CDIN1: variants seen among roughly 807,000 people sequenced by gnomAD.
The protein encoded by CDIN1 is CDAN1-interacting nuclease 1.
A neutral mutation model predicts 45.3 loss-of-function variants in CDIN1; 33 were observed. That is an observed-to-expected ratio of 0.73 (90% CI 0.55 to 0.97). The LOEUF is 0.97. Among genes scored for constraint, CDIN1 ranks in the 50% least tolerant of loss-of-function variants. The probability of loss-of-function intolerance (pLI) is 0.00; values close to 1 mark genes in which losing one functional copy is unlikely to be tolerated. For missense variants in CDIN1, 303 were observed against 339.4 expected (o/e 0.89, Z 0.84); for synonymous variants, 118 against 124.4 (o/e 0.95, Z 0.34).
intron 1 of CDIN1, among the ~76,000 whole-genome samples, chr15:36,629,401 A>G (rs1057385587): frequency 1.3e-5 from 2 of 152,236 alleles, no homozygotes; most frequent in African/African-American, 2.4e-5. Context: ...AAAACTTACA[A>G]TATTATTTGG....
chr15:36,692,029 T>TTG, intron 6 of CDIN1, 97 bp from the exon 7 acceptor site: 1 of 720,432 alleles, frequency 1.4e-6, no homozygotes, highest in Non-Finnish European at 1.8e-6. Flanking sequence ...GGGGCGGGGG[T>TTG]GGGGGAAGAA....
At chr15:36,730,382 C>T (rs1217816949) in intron 10 of CDIN1, among the ~76,000 whole-genome samples, 1 of 152,072 alleles carries the variant, frequency 6.6e-6, no homozygotes, top group Non-Finnish European at 1.5e-5. Context: ...TTTATGTATA[C>T]AGAGTATCCT....
At chr15:36,794,288 G>A (rs552363355) in intron 10 of CDIN1, among the ~76,000 whole-genome samples, 2 of 152,056 alleles carry the variant, frequency 1.3e-5, no homozygotes, top group South Asian at 4.2e-4. Context: ...TCGATCTCCT[G>A]ACTTCGTGAT....
At chr15:36,632,318 C>G (rs2039713323) in intron 1 of CDIN1, among the ~76,000 whole-genome samples, 1 of 152,146 alleles carries the variant, frequency 6.6e-6, no homozygotes, top group Admixed American at 6.5e-5. Context: ...GAGGAGCTTT[C>G]TCTGAAGTTC....
intron 5 of CDIN1, among the ~76,000 whole-genome samples, chr15:36,660,803 C>A (rs2040981877): frequency 6.6e-6 from 1 of 152,204 alleles, no homozygotes; most frequent in South Asian, 2.1e-4. Context: ...TTGAGCTCTG[C>A]AGGGACTGAG....
intron 10 of CDIN1, among the ~76,000 whole-genome samples, chr15:36,789,014 C>G (rs1409029514): frequency 6.6e-6 from 1 of 152,154 alleles, no homozygotes; most frequent in Non-Finnish European, 1.5e-5. Context: ...TTGTTTTGGT[C>G]CACACATAAA....
intron 10 of CDIN1, among the ~76,000 whole-genome samples, chr15:36,755,050 G>A (rs2053573931): frequency 6.6e-6 from 1 of 152,150 alleles, no homozygotes; most frequent in Non-Finnish European, 1.5e-5. Flanking sequence ...TATCACTGAA[G>A]TAGGCCTTTT....
At chr15:36,806,545 AT>A (rs2141152010) in intron 10 of CDIN1, among the ~76,000 whole-genome samples, 1 of 152,282 alleles carries the variant, frequency 6.6e-6, no homozygotes, top group South Asian at 2.1e-4. Context: ...TGGCTGTATA[AT>A]AAAATGGAAG....
chr15:36,604,199 C>T (rs2038242859), intron 1 of CDIN1, among the ~76,000 whole-genome samples: 1 of 151,922 alleles, frequency 6.6e-6, no homozygotes, highest in Admixed American at 6.6e-5. Flanking sequence ...GCACTTGACA[C>T]ATGCAAATGC....
intron 10 of CDIN1, chr15:36,746,867 A>G: frequency 2.8e-6 from 1 of 361,560 alleles, no homozygotes; most frequent in Non-Finnish European, 4.8e-6. Flanking sequence ...CTCCCACCTC[A>G]GTCTCCCAAG....
intron 5 of CDIN1, among the ~76,000 whole-genome samples, chr15:36,688,148 A>G (rs1362923983): frequency 6.6e-6 from 1 of 152,098 alleles, no homozygotes; most frequent in Admixed American, 6.5e-5. Context: ...AAAAAGGATA[A>G]AGTCAATGAA....
intron 1 of CDIN1, chr15:36,626,793 G>T: frequency 3.1e-6 from 1 of 317,694 alleles, no homozygotes; most frequent in East Asian, 9.8e-5. Context: ...ATGGGGGTCA[G>T]GGTTGCTATA....
At chr15:36,806,036 A>G (rs2055215922) in intron 10 of CDIN1, among the ~76,000 whole-genome samples, 1 of 152,220 alleles carries the variant, frequency 6.6e-6, no homozygotes, top group Non-Finnish European at 1.5e-5. Flanking sequence ...ACATAGTTCC[A>G]TAAGAAACAC....
chr15:36,749,690 C>T (rs1233037046), intron 10 of CDIN1, among the ~76,000 whole-genome samples: 4 of 152,194 alleles, frequency 2.6e-5, no homozygotes, highest in Admixed American at 6.5e-5. Flanking sequence ...AAAAGTACAT[C>T]TGTGTTTTTG....
chr15:36,738,653 A>AT (rs2044120750), intron 10 of CDIN1, among the ~76,000 whole-genome samples: 1 of 152,196 alleles, frequency 6.6e-6, no homozygotes, highest in Non-Finnish European at 1.5e-5. Context: ...CCTGAGGTAC[A>AT]TACGTAGCTC....
At chr15:36,632,489 A>C (rs2039719607) in intron 1 of CDIN1, among the ~76,000 whole-genome samples, 1 of 152,182 alleles carries the variant, frequency 6.6e-6, no homozygotes, top group African/African-American at 2.4e-5. Flanking sequence ...TTTCACCAGT[A>C]CTTCTGAGGG....
At chr15:36,597,806 C>T (rs2037909032) in intron 1 of CDIN1, among the ~76,000 whole-genome samples, 1 of 152,112 alleles carries the variant, frequency 6.6e-6, no homozygotes, top group African/African-American at 2.4e-5. Flanking sequence ...GTTCTCCTGT[C>T]ATCTGATGGT....
At chr15:36,715,515 G>A (rs916808022) in intron 10 of CDIN1, among the ~76,000 whole-genome samples, 3 of 152,034 alleles carry the variant, frequency 2.0e-5, no homozygotes, top group Non-Finnish European at 4.4e-5. Context: ...CAGTTATTTC[G>A]GTCTTGTTAA....
intron 10 of CDIN1, among the ~76,000 whole-genome samples, chr15:36,764,880 G>C (rs1284100751): frequency 6.6e-6 from 1 of 152,122 alleles, no homozygotes; most frequent in Non-Finnish European, 1.5e-5. Context: ...CGATAAGAAT[G>C]TGGGCCTGAT....
Sources: gnomAD v4.1 joint callset for allele counts (sites outside exome capture counted in the v4.1 genomes callset) on GRCh38, gnomAD v4.1.1 for gene constraint, MANE v1.5 for transcripts, NCBI Gene and HGNC (gene_info 2026-07-23, HGNC 2026-07-21) for gene names.